AGO2: variants seen among roughly 807,000 people sequenced by gnomAD.
AGO2 encodes protein argonaute-2.
A neutral mutation model predicts 102.3 loss-of-function variants in AGO2; 5 were observed. The observed-to-expected ratio is 0.05, with a 90% CI of 0.03 to 0.10. The LOEUF (loss-of-function observed/expected upper bound fraction) is 0.10, where lower values mean the gene tolerates loss of function less well. Among genes scored for constraint, AGO2 ranks in the 10% least tolerant of loss-of-function variants. The pLI is 1.00. For missense variants in AGO2, 541 were observed against 1,183.7 expected, an observed-to-expected ratio of 0.46 and a Z score of 7.97; for synonymous variants, 449 against 473.1, an observed-to-expected ratio of 0.95 and a Z score of 0.66.
intron 2 of AGO2, among the ~76,000 whole-genome samples, chr8:140,584,361 T>C (rs7005286): frequency 0.85 from 129,974 of 152,088 alleles, 55,711 homozygotes; most frequent in African/African-American, 0.91. Context: ...TGGGTGGCCT[T>C]GGAAACACTC....
intron 3 of AGO2, 129 bp downstream of exon 3, chr8:140,572,683 G>GCAGTGAACTGC (rs1314887952): frequency 2.4e-5 from 31 of 1,300,188 alleles, no homozygotes; most frequent in Non-Finnish European, 3.1e-5. Flanking sequence ...GAAGCATGTG[G>GCAGTGAACTGC]CAGTGAACTG....
intron 16 of AGO2, among the ~76,000 whole-genome samples, chr8:140,537,767 A>C (rs1289876608): frequency 1.3e-5 from 2 of 152,040 alleles, no homozygotes; most frequent in Admixed American, 1.3e-4. Context: ...GGTACATTCA[A>C]GCTCATTAGT....
At chr8:140,619,075 T>C (rs1452396926) in intron 1 of AGO2, among the ~76,000 whole-genome samples, 1 of 151,242 alleles carries the variant, frequency 6.6e-6, no homozygotes, top group Middle Eastern at 3.4e-3. Context: ...TGGCTCCTTA[T>C]CCTGGTGGCA....
At chr8:140,633,916 C>T (rs778957383) in intron 1 of AGO2, among the ~76,000 whole-genome samples, 3 of 152,228 alleles carry the variant, frequency 2.0e-5, no homozygotes, top group Non-Finnish European at 4.4e-5. Context: ...TTCCTTAAAG[C>T]CTCTTCACTT....
chr8:140,602,188 A>G lies in AGO2; in HGVS notation c.23-16877T>C, dbSNP rs533375606. On this transcript the variant is annotated intron_variant, in intron 1 of 18. Coordinates refer to ENST00000220592, the MANE Select transcript of AGO2 (RefSeq NM_012154.5). ...GGGTCCTTATTTTTTAACAGAGTAG[A>G]ATAGATGTTAAAAATAAATATCATG... 3.9e-3 allele frequency among the ~76,000 whole-genome samples: 591 copies of G among 152,358 alleles called. 4 individuals are homozygous for G. The Middle Eastern group carries it at 0.048, about 12-fold the overall frequency.
chr8:140,532,655 A>C, intron 17 of AGO2, 40 bp from the exon 18 acceptor site: 1 of 1,583,406 alleles, frequency 6.3e-7, no homozygotes, highest in Non-Finnish European at 8.7e-7. Context: ...GACTCGCATA[A>C]AATCTTTAAA....
intron 1 of AGO2, among the ~76,000 whole-genome samples, chr8:140,631,340 G>C (rs920636413): frequency 6.6e-6 from 1 of 152,074 alleles, no homozygotes; most frequent in African/African-American, 2.4e-5. Flanking sequence ...TTGGGAGTTT[G>C]AGACCAGCTT....
chr8:140,559,602 G>C, intron 5 of AGO2, 73 bp from the exon 6 acceptor site: 1 of 1,573,742 alleles, frequency 6.4e-7, no homozygotes, highest in Non-Finnish European at 8.6e-7. Flanking sequence ...GTCCTGGAGG[G>C]GCCTCATAGG....
intron 14 of AGO2, among the ~76,000 whole-genome samples, 160 bp downstream of exon 14, chr8:140,544,053 C>A (rs1471238359): frequency 1.3e-5 from 2 of 152,240 alleles, no homozygotes; most frequent in African/African-American, 4.8e-5. Flanking sequence ...AGTGTCCCCT[C>A]CAGACACCTC....
In AGO2 at chr8:140,549,053, G is replaced by T. The variant is rs534168229; in HGVS notation, c.1588+61C>A. ...CAGAAACACAGAGGGGCTTAGGCAGGAACAAACACCCACGGAGACCACGAC... is the reference window on the plus strand; with the variant it reads ...CAGAAACACAGAGGGGCTTAGGCAGTAACAAACACCCACGGAGACCACGAC... On this transcript the variant is annotated intron_variant, in intron 12 of 18. Coordinates refer to ENST00000220592, the MANE Select transcript of AGO2 (RefSeq NM_012154.5). The T allele has an allele frequency of 2.6e-4, 401 of 1,527,548 alleles. No individual in the cohort carries two copies. In the African/African-American group the frequency reaches 4.8e-3, roughly 18 times the overall value. 94.6% of individuals were successfully genotyped at this position (1,527,548 alleles called of 1,614,324 possible).
At chr8:140,602,998 A>G (rs188094689) in intron 1 of AGO2, among the ~76,000 whole-genome samples, 1 of 152,258 alleles carries the variant, frequency 6.6e-6, no homozygotes, top group Non-Finnish European at 1.5e-5. Flanking sequence ...AGGCCGTGCC[A>G]CGTGCAGTGT....
Position 140,559,491 on chromosome 8 carries a change from C to G in AGO2, c.694G>C (p.Glu232Gln), listed in dbSNP as rs534512549. Residue 232 changes from glutamate to glutamine, a missense_variant, in exon 6 of 19, where the codon GAG becomes CAG. By Grantham distance (29) the Glu-to-Gln change is conservative. Around this residue, in one of 6 missense-constraint regions of AGO2, gnomAD observed 21 missense variants for 105.0 expected, o/e 0.20. Coordinates refer to ENST00000220592, the MANE Select transcript of AGO2 (RefSeq NM_012154.5). ...AAATCCAAAACTTCACAAACAAACT[C>G]GATTACTGGCTGTGCCTTGTAAAAC... ...TAFYKAQPVIEFVCEVLDFKS... is the reference protein window; with the variant it reads ...TAFYKAQPVIQFVCEVLDFKS... 6.2e-7 allele frequency: 1 copy of G among 1,614,242 alleles called. No homozygotes were observed. The highest frequency in any genetic ancestry group is 1.1e-5 in the South Asian group (1 of 91,078).
intron 1 of AGO2, among the ~76,000 whole-genome samples, chr8:140,603,531 C>T (rs1047353309): frequency 6.6e-6 from 1 of 152,240 alleles, no homozygotes; most frequent in African/African-American, 2.4e-5. Flanking sequence ...CATCACACCC[C>T]GTTTCCTCCA....
chr8:140,573,009 ATTT>A (rs11293451), intron 2 of AGO2, 77 bp from the exon 3 acceptor site: 38,875 of 1,231,690 alleles, frequency 0.032, 4 homozygotes, highest in Admixed American at 0.066. Context: ...TTCTGACGCT[ATTT>A]TTTTTTTTTT....
the AGO2 span, among the ~76,000 whole-genome samples, chr8:140,642,031 G>A: frequency 6.6e-6 from 1 of 151,274 alleles, no homozygotes; most frequent in Non-Finnish European, 1.5e-5. Context: ...AACAGAGACC[G>A]TCTCAAAAAG....
At position 140,541,389 on chromosome 8, in the gene AGO2, G is replaced by A. The variant is rs769097671; in HGVS notation, c.1840-31C>T. The A allele has an allele frequency of 3.2e-6, 5 of 1,548,100 alleles. No individual in the cohort carries two copies. In the Admixed American group the frequency reaches 9.8e-5, roughly 30 times the overall value. On this transcript the variant is annotated intron_variant, in intron 14 of 18. Transcript: ENST00000220592. Reference sequence around the variant, plus strand: ...GGAACAGGCAGTGAGTGTGGTCAGGGGTTCCCAAAACTTTCCTTTCCTGGG... The same window carrying A: ...GGAACAGGCAGTGAGTGTGGTCAGGAGTTCCCAAAACTTTCCTTTCCTGGG...
chr8:140,561,457 A>G (rs2073200879), intron 4 of AGO2, among the ~76,000 whole-genome samples: 1 of 152,238 alleles, frequency 6.6e-6, no homozygotes, highest in Non-Finnish European at 1.5e-5. Flanking sequence ...AATCACAGTC[A>G]TTTCTGCAAC....
At chr8:140,548,886 G>A (rs2072947817) in intron 12 of AGO2, among the ~76,000 whole-genome samples, 1 of 152,252 alleles carries the variant, frequency 6.6e-6, no homozygotes, top group South Asian at 2.1e-4. Context: ...CCACCCGAGG[G>A]TGCTGACTGC....
intron 8 of AGO2, among the ~76,000 whole-genome samples, chr8:140,556,634 G>A (rs1379036402): frequency 1.3e-5 from 2 of 152,270 alleles, no homozygotes; most frequent in Non-Finnish European, 1.5e-5. Context: ...TGCGAAAGAC[G>A]TCTACCTGTG....
Sources: gnomAD v4.1 joint callset for allele counts (sites outside exome capture counted in the v4.1 genomes callset) on GRCh38, gnomAD v4.1.1 for gene constraint, gnomAD v4.1.1 regional missense constraint, MANE v1.5 for transcripts, NCBI Gene and HGNC (gene_info 2026-07-23, HGNC 2026-07-21) for gene names.